Variants in COA1 observed in about 807,000 individuals in gnomAD.
COA1 encodes the protein cytochrome c oxidase assembly factor 1 homolog.
COA1 carries 13 observed loss-of-function variants against 16.0 expected under a neutral mutation model. The observed-to-expected ratio is 0.81, with a 90% CI of 0.53 to 1.29. The LOEUF is 1.29. Among genes scored for constraint, COA1 ranks in the 50% most tolerant of loss-of-function variants. The pLI, the probability that COA1 is intolerant of heterozygous loss-of-function variation, is 0.00. For synonymous variants in COA1, 65 were observed against 65.7 expected, an observed-to-expected ratio of 0.99 and a Z score of 0.05; for missense variants, 179 against 177.0, an observed-to-expected ratio of 1.01 and a Z score of -0.06.
intron 1 of COA1, among the ~76,000 whole-genome samples, chr7:43,658,103 G>A (rs182611771): frequency 3.9e-5 from 6 of 151,960 alleles, no homozygotes; most frequent in Middle Eastern, 3.4e-3. Context: ...AAGGCCCGGC[G>A]CTGTGGCTCA....
intron 1 of COA1, among the ~76,000 whole-genome samples, chr7:43,713,875 C>T (rs553855830): frequency 6.6e-6 from 1 of 152,110 alleles, no homozygotes; most frequent in African/African-American, 2.4e-5. Context: ...CCTGTCTCTA[C>T]TAAAAATACA....
intron 1 of COA1, among the ~76,000 whole-genome samples, chr7:43,693,177 C>A (rs1210144382): frequency 2.6e-5 from 4 of 152,144 alleles, no homozygotes; most frequent in African/African-American, 7.2e-5. Flanking sequence ...GGAGACAGGG[C>A]AGGTGTTCTC....
At chr7:43,708,020 A>G (rs1033540632) in intron 1 of COA1, among the ~76,000 whole-genome samples, 4 of 152,232 alleles carry the variant, frequency 2.6e-5, no homozygotes, top group African/African-American at 7.2e-5. Context: ...CCTGACCAAC[A>G]TGGTGAAACC....
rs548459397 is a variant in COA1, at chr7:43,707,473, T to C, written c.-39+21956A>G. Among the ~76,000 whole-genome samples, 77 of 152,110 alleles carry C rather than the reference T, an allele frequency of 5.1e-4. 1 individual carries two copies. The highest frequency in any genetic ancestry group is 2.4e-3 in the Admixed American group (37 of 15,274). ...CATGTAACCACCAGAGTCCTAGAAATTGAGGACTGCCAGTAGCCCATTGGT... is the reference window on the plus strand; with the variant it reads ...CATGTAACCACCAGAGTCCTAGAAACTGAGGACTGCCAGTAGCCCATTGGT... On this transcript the variant is annotated intron_variant, in intron 1 of 5. Transcript: ENST00000223336.
intron 1 of COA1, among the ~76,000 whole-genome samples, chr7:43,699,282 A>G (rs2094627350): frequency 1.3e-5 from 2 of 152,208 alleles, no homozygotes; most frequent in Non-Finnish European, 2.9e-5. Flanking sequence ...AGAAGTACCT[A>G]GTTCATAACT....
At chr7:43,613,141 GTGT>G (rs1182807939) in intron 6 of COA1, among the ~76,000 whole-genome samples, 1 of 152,114 alleles carries the variant, frequency 6.6e-6, no homozygotes, top group African/African-American at 2.4e-5. Flanking sequence ...TCTTCAAATG[GTGT>G]TGTACTGGTT....
chr7:43,701,875 T>C (rs1465106207), intron 1 of COA1, among the ~76,000 whole-genome samples: 1 of 152,154 alleles, frequency 6.6e-6, no homozygotes, highest in Non-Finnish European at 1.5e-5. Context: ...GCCATATATA[T>C]GTCTTCTTTT....
intron 1 of COA1, among the ~76,000 whole-genome samples, chr7:43,722,813 T>A (rs941707205): frequency 7.4e-5 from 11 of 147,948 alleles, no homozygotes; most frequent in African/African-American, 2.4e-4. Flanking sequence ...AGATCACTTA[T>A]GAATGCAAGT....
At chr7:43,630,386 A>G (rs2085055932) in intron 6 of COA1, among the ~76,000 whole-genome samples, 1 of 152,218 alleles carries the variant, frequency 6.6e-6, no homozygotes, top group African/African-American at 2.4e-5. Context: ...GCAGAAAAGT[A>G]TCTCAGTTTC....
At chr7:43,693,010 G>C (rs541449290) in intron 1 of COA1, among the ~76,000 whole-genome samples, 1 of 152,138 alleles carries the variant, frequency 6.6e-6, no homozygotes, top group Non-Finnish European at 1.5e-5. Context: ...AATGTCCAGG[G>C]GCTAGGACTG....
rs148415494 is a variant in COA1 at position 43,640,604 on chromosome 7, C to T, written c.310G>A (p.Val104Ile). 4.2e-5 allele frequency: 68 copies of T among 1,608,102 alleles called. No individual in the cohort carries two copies. In the African/African-American group the frequency reaches 7.1e-4, roughly 17 times the overall value. The stretch of plus-strand genomic sequence containing the variant: ...AAGGGGCCACCTCTGGATGAGTGGA[C>T]GTAGAGAAGGCCCTCTGATTTGGAT... ...SGSKSEGLLY[V>I]HSSRGGPFQR... The change falls in exon 5 of 6, where the codon GTC (valine) becomes ATC (isoleucine). Residue 104 changes from valine (V) to isoleucine (I), a missense_variant. Val to Ile is a conservative substitution (Grantham distance 29). Transcript: ENST00000223336.
intron 1 of COA1, among the ~76,000 whole-genome samples, chr7:43,691,429 GAAAGAA>G (rs1554542708): frequency 1.7e-5 from 1 of 58,616 alleles, no homozygotes. Context: ...GAAAAAGAAA[GAAAGAA>G]AGAAAGAAAG....
chr7:43,692,611 A>T (rs2094411260), intron 1 of COA1, among the ~76,000 whole-genome samples: 1 of 152,236 alleles, frequency 6.6e-6, no homozygotes, highest in Non-Finnish European at 1.5e-5. Flanking sequence ...ACTTCTGGCT[A>T]TTAGAAATGT....
rs549119009 is a variant in COA1, at chr7:43,690,364, G to A, written c.-39+39065C>T. Among the ~76,000 whole-genome samples the A allele has an allele frequency of 4.6e-5, 7 of 152,102 alleles. No homozygotes were observed. The East Asian group carries it at 5.8e-4, about 13-fold the overall frequency. On this transcript the variant is annotated intron_variant, in intron 1 of 5. Coordinates refer to ENST00000223336, the MANE Select transcript of COA1 (RefSeq NM_018224.4). ...AAACTATGGAACCAGCCCAAATGCC[G>A]ATCAACGAGTGGATAAAGAAAATGT... is the stretch of plus-strand genomic sequence containing the variant.
At chr7:43,674,224 T>C (rs938735830) in intron 1 of COA1, among the ~76,000 whole-genome samples, 2 of 152,228 alleles carry the variant, frequency 1.3e-5, no homozygotes, top group Non-Finnish European at 2.9e-5. Flanking sequence ...CCCCACCCAA[T>C]AGCTCCAACA....
chr7:43,614,713 TCA>T (rs1231042446), intron 6 of COA1, among the ~76,000 whole-genome samples: 1 of 152,236 alleles, frequency 6.6e-6, no homozygotes, highest in Non-Finnish European at 1.5e-5. Flanking sequence ...AACCTCTCTC[TCA>T]GTTGTTTAAC....
exon 7 of COA1, chr7:43,608,466 G>A: frequency 2.6e-6 from 4 of 1,528,530 alleles, no homozygotes; most frequent in Non-Finnish European, 3.5e-6. Context: ...ATATTTAACA[G>A]TGATTTATTC....
At chr7:43,644,741 G>A (rs2088395993) in intron 4 of COA1, among the ~76,000 whole-genome samples, 1 of 104,786 alleles carries the variant, frequency 9.5e-6, no homozygotes. Flanking sequence ...TAGATAGATA[G>A]ATAGATAGAT....
intron 1 of COA1, among the ~76,000 whole-genome samples, chr7:43,689,910 C>T (rs1489356573): frequency 6.6e-6 from 1 of 151,858 alleles, no homozygotes; most frequent in Non-Finnish European, 1.5e-5. Flanking sequence ...GCTTATAAAC[C>T]AATAATGGAG....
Sources: gnomAD v4.1 joint callset for allele counts (sites outside exome capture counted in the v4.1 genomes callset) on GRCh38, gnomAD v4.1.1 for gene constraint, MANE v1.5 for transcripts, NCBI Gene and HGNC (gene_info 2026-07-23, HGNC 2026-07-21) for gene names.